The following RIN1 variants were observed in gnomAD, a reference collection of about 807,000 sequenced individuals.
RIN1 encodes the protein Ras and Rab interactor 1, also known as ras inhibitor 1.
Under a neutral mutation model 64.9 loss-of-function variants are expected in RIN1, and 52 were observed. The observed-to-expected ratio is 0.80, with a 90% CI of 0.64 to 1.01. The LOEUF is 1.01. Ranked by LOEUF, RIN1 falls within the 50% of genes least tolerant of loss-of-function variation. The probability of loss-of-function intolerance (pLI) is 0.00; values close to 1 mark genes in which losing one functional copy is unlikely to be tolerated. For synonymous variants in RIN1, 486 were observed against 483.6 expected (o/e 1.00, Z -0.06); for missense variants, 1,040 against 1,064.5 (o/e 0.98, Z 0.32).
intron 6 of RIN1, 39 bp from the exon 7 acceptor site, chr11:66,334,263 G>C (rs1307665767): frequency 1.4e-6 from 2 of 1,381,912 alleles, no homozygotes; most frequent in East Asian, 2.5e-5. Flanking sequence ...GAAGACTGGG[G>C]GTATGGGGGG....
chr11:66,334,089 G>T lies in RIN1; in HGVS notation c.1421C>A (p.Ala474Asp), dbSNP rs751400700. ...RLAEGLRLAR[A>D]QGPGAFGSHL... Reference sequence around the variant, plus strand: ...GGACCCGAAGGCTCCGGGGCCCTGGGCCCGGGCCAGGCGGAGGCCCTCAGC... The same window carrying T: ...GGACCCGAAGGCTCCGGGGCCCTGGTCCCGGGCCAGGCGGAGGCCCTCAGC... Residue 474 changes from alanine to aspartate, a missense_variant, in exon 7 of 10, where the codon GCC (alanine) becomes GAC (aspartate). Ala to Asp is a moderately radical substitution (Grantham distance 126). Coordinates refer to ENST00000311320, the MANE Select transcript of RIN1 (RefSeq NM_004292.3). The T allele has an allele frequency of 1.2e-5, 19 of 1,562,542 alleles. No homozygotes were observed. The South Asian group carries it at 2.1e-4, about 17-fold the overall frequency.
Position 66,330,583 on chromosome 11 carries a change from A to G in RIN1, c.*1693T>C, listed in dbSNP as rs1242544494. On this transcript the variant is annotated 3_prime_UTR_variant, in exon 10 of 10. Transcript: ENST00000311320. ...GGAGTTTGAGACCAGCCTGGCCAACATGGGGAAACCCCGTCTCTACTAGTA... is the reference window on the plus strand; with the variant it reads ...GGAGTTTGAGACCAGCCTGGCCAACGTGGGGAAACCCCGTCTCTACTAGTA... 6.6e-6 allele frequency: 1 copy of G among 152,360 alleles called. No individual in the cohort carries two copies. Among genetic ancestry groups the G allele is most frequent in the Non-Finnish European group, 1.5e-5 (1 of 68,138 alleles). The allele number at this position is 152,360 out of a possible 1,614,324, so 9.4% of individuals were successfully genotyped here.
At position 66,333,658 on chromosome 11, in the gene RIN1, C is replaced by G; in HGVS notation, c.1592G>C (p.Gly531Ala). ...LLYMALRTQE[G>A]EGAGADEFLP... is the part of the protein sequence containing the mutation. ...GAACTCGTCGGCACCCGCGCCCTCCCCTGTGGGGACATGGTGAGAGGAAGA... is the reference window on the plus strand; with the variant it reads ...GAACTCGTCGGCACCCGCGCCCTCCGCTGTGGGGACATGGTGAGAGGAAGA... The change falls in exon 8 of 10, where the codon GGG becomes GCG. Residue 531 changes from glycine to alanine, a missense_variant and splice_region_variant. Coordinates refer to ENST00000311320, the MANE Select transcript of RIN1 (RefSeq NM_004292.3). 6.2e-7 allele frequency: 1 copy of G among 1,609,720 alleles called. No homozygotes were observed. Among genetic ancestry groups the G allele is most frequent in the East Asian group, 2.2e-5 (1 of 44,826 alleles).
Position 66,332,132 on chromosome 11 carries a change from C to T in RIN1, c.*144G>A, listed in dbSNP as rs1590916251. The T allele has an allele frequency of 8.5e-6, 7 of 820,286 alleles. No individual in the cohort carries two copies. The East Asian group carries it at 9.8e-5, about 11-fold the overall frequency. 50.8% of individuals were successfully genotyped at this position (820,286 alleles called of 1,614,324 possible). On this transcript the variant is annotated 3_prime_UTR_variant, in exon 10 of 10. Transcript: ENST00000311320. ...TTCCAGTTCCTCAGATGTGGCAGTTCCCCCAGCTTCCCTGGAAACAAGTAT... is the reference window on the plus strand; with the variant it reads ...TTCCAGTTCCTCAGATGTGGCAGTTTCCCCAGCTTCCCTGGAAACAAGTAT...
Position 66,334,087 on chromosome 11 carries a change from G to C in RIN1, c.1423C>G (p.Gln475Glu). 6.4e-7 allele frequency: 1 copy of C among 1,563,862 alleles called. No individual in the cohort carries two copies. The highest frequency in any genetic ancestry group is 1.2e-5 in the South Asian group (1 of 85,260). ...TGGGACCCGAAGGCTCCGGGGCCCTGGGCCCGGGCCAGGCGGAGGCCCTCA... is the reference window on the plus strand; with the variant it reads ...TGGGACCCGAAGGCTCCGGGGCCCTCGGCCCGGGCCAGGCGGAGGCCCTCA... ...LAEGLRLARA[Q>E]GPGAFGSHLS... is the part of the protein sequence containing the mutation. Residue 475 changes from glutamine to glutamate, a missense_variant, in exon 7 of 10, where the codon CAG becomes GAG. Gln to Glu is a conservative substitution (Grantham distance 29, BLOSUM62 2). Coordinates refer to ENST00000311320, the MANE Select transcript of RIN1 (RefSeq NM_004292.3).
intron 7 of RIN1, 119 bp from the exon 8 acceptor site, chr11:66,333,777 C>T (rs1854797418): frequency 1.4e-6 from 2 of 1,443,014 alleles, no homozygotes. Flanking sequence ...CCTCTCTAGG[C>T]CTCAGTTTCG....
chr11:66,336,682 C>G (rs934334093), upstream of RIN1: 1 of 440,598 alleles, frequency 2.3e-6, no homozygotes, highest in African/African-American at 2.0e-5. Flanking sequence ...ACATTGCACA[C>G]GTGGGCGGGA....
chr11:66,332,375 C>T lies in RIN1; in HGVS notation c.2253G>A (p.Gln751=), dbSNP rs763287557. 21 of 1,614,104 alleles carry T rather than the reference C, an allele frequency of 1.3e-5. No homozygotes were observed. In the East Asian group the frequency reaches 4.5e-4, roughly 34 times the overall value. ...GGCCCCCTTCAGCAGTTGTCTCAGACTGTTCCCGAATGTCCCTGGGGCTGG... is the reference window on the plus strand; with the variant it reads ...GGCCCCCTTCAGCAGTTGTCTCAGATTGTTCCCGAATGTCCCTGGGGCTGG... ...VKASPRDIRE[Q]SETTAEGGQG... Residue 751 remains glutamine, a synonymous_variant, in exon 10 of 10, where the codon CAG becomes CAA. Transcript: ENST00000311320.
rs371811605 is a variant in RIN1, at chr11:66,333,667, A to T, written c.1592-9T>A. 1.2e-6 allele frequency: 2 copies of T among 1,606,468 alleles called. No individual in the cohort carries two copies. The highest frequency in any genetic ancestry group is 1.7e-5 in the Admixed American group (1 of 58,540). ...GGCACCCGCGCCCTCCCCTGTGGGG[A>T]CATGGTGAGAGGAAGAAGCTTCAGG... On this transcript the variant is annotated splice_polypyrimidine_tract_variant and intron_variant, in intron 7 of 9. Transcript: ENST00000311320.
rs374478616 is a variant in RIN1 at position 66,333,433 on chromosome 11, C to G, written c.1724-24G>C. ...ACCTGGGACACAGGGTGGAAGAACA[C>G]GGCTCAGGCTGGGTGTGGGGCACCC... On this transcript the variant is annotated intron_variant, in intron 8 of 9. Transcript: ENST00000311320. 15 of 1,603,792 alleles carry G rather than the reference C, an allele frequency of 9.4e-6. No individual in the cohort carries two copies. In the Admixed American group the frequency reaches 2.5e-4, roughly 27 times the overall value.
In RIN1 at chr11:66,334,087, G is replaced by A; in HGVS notation, c.1423C>T (p.Gln475Ter). 6.4e-7 allele frequency: 1 copy of A among 1,563,862 alleles called. No homozygotes were observed. Among genetic ancestry groups the A allele is most frequent in the Non-Finnish European group, 8.7e-7 (1 of 1,154,590 alleles). The change falls in exon 7 of 10, where the codon CAG becomes TAG. Residue 475 changes from glutamine to a stop codon, truncating the protein, a stop_gained. Transcript: ENST00000311320. LOFTEE classifies it high-confidence loss of function. Reference sequence around the variant, plus strand: ...TGGGACCCGAAGGCTCCGGGGCCCTGGGCCCGGGCCAGGCGGAGGCCCTCA... The same window carrying A: ...TGGGACCCGAAGGCTCCGGGGCCCTAGGCCCGGGCCAGGCGGAGGCCCTCA... ...LAEGLRLARA[Q>*]GPGAFGSHLS...
chr11:66,332,382 C>T lies in RIN1; in HGVS notation c.2246G>A (p.Arg749Gln), dbSNP rs368405424. Residue 749 changes from arginine (R) to glutamine (Q), a missense_variant, in exon 10 of 10, where the codon CGG becomes CAG. By Grantham distance (43) the Arg-to-Gln change is conservative. Transcript: ENST00000311320. ...TTCAGCAGTTGTCTCAGACTGTTCCCGAATGTCCCTGGGGCTGGCTTTGAC... is the reference window on the plus strand; with the variant it reads ...TTCAGCAGTTGTCTCAGACTGTTCCTGAATGTCCCTGGGGCTGGCTTTGAC... ...AGVKASPRDIREQSETTAEGG... is the reference protein window; with the variant it reads ...AGVKASPRDIQEQSETTAEGG... 31 of 1,614,062 alleles carry T rather than the reference C, an allele frequency of 1.9e-5. No individual in the cohort carries two copies. Among genetic ancestry groups the T allele is most frequent in the African/African-American group, 4.0e-5 (3 of 74,940 alleles).
At chr11:66,333,454 C>T (rs776977966) in intron 8 of RIN1, 45 bp from the exon 9 acceptor site, 6 of 1,603,670 alleles carry the variant, frequency 3.7e-6, no homozygotes, top group Non-Finnish European at 5.1e-6. Flanking sequence ...GGGTGTGGGG[C>T]ACCCCATCCC....
In RIN1 at chr11:66,335,699, G is replaced by A. The variant is rs946221491; in HGVS notation, c.383-17C>T. 4.3e-6 allele frequency: 7 copies of A among 1,612,764 alleles called. No homozygotes were observed. The highest frequency in any genetic ancestry group is 1.7e-5 in the Admixed American group (1 of 59,812). ...AGGAGACGCCTGAGAGAGGAGGGAA[G>A]TGAGGTGCTTCTCTGGGGAACCTCC... On this transcript the variant is annotated splice_polypyrimidine_tract_variant and intron_variant, in intron 3 of 9. Coordinates refer to ENST00000311320, the MANE Select transcript of RIN1 (RefSeq NM_004292.3).
chr11:66,333,898 G>A, intron 7 of RIN1, 21 bp downstream of exon 7: 1 of 1,501,044 alleles, frequency 6.7e-7, no homozygotes, highest in South Asian at 1.3e-5. Flanking sequence ...AGGGCAGGGT[G>A]AGGTGGTGGC....
chr11:66,335,342 C>A, intron 5 of RIN1, 65 bp downstream of exon 5: 1 of 1,556,164 alleles, frequency 6.4e-7, no homozygotes, highest in Admixed American at 2.0e-5. Context: ...CGGTGTGCTG[C>A]GAGCCTTGCC....
chr11:66,332,179 A>C lies in RIN1; in HGVS notation c.*97T>G. The C allele has an allele frequency of 9.0e-7, 1 of 1,105,694 alleles. No individual in the cohort carries two copies. Among genetic ancestry groups the C allele is most frequent in the Non-Finnish European group, 1.4e-6 (1 of 738,498 alleles). 68.5% of individuals were successfully genotyped at this position (1,105,694 alleles called of 1,614,324 possible). On this transcript the variant is annotated 3_prime_UTR_variant, in exon 10 of 10. Transcript: ENST00000311320. The stretch of plus-strand genomic sequence containing the variant: ...GTATCAGACAAAGGTGGTGGCAGAC[A>C]CAGGACAGGGCCCTGGGTGGGGCTT...
chr11:66,333,401 A>G lies in RIN1; in HGVS notation c.1732T>C (p.Tyr578His). 6.2e-7 allele frequency: 1 copy of G among 1,608,520 alleles called. No homozygotes were observed. Among genetic ancestry groups the G allele is most frequent in the Non-Finnish European group, 8.5e-7 (1 of 1,176,714 alleles). ...AGGCTGGCAGAGAGGCTGGTCAGGT[A>G]GTAGCCACCTGGGACACAGGGTGGA... The part of the protein sequence containing the change: ...PSLLTGEGGY[Y>H]LTSLSASLAL... Residue 578 changes from tyrosine (Y) to histidine (H), a missense_variant, in exon 9 of 10, where the codon TAC becomes CAC. Physicochemically the swap from Tyr to His is moderately conservative, Grantham distance 83 (BLOSUM62 2). Coordinates refer to ENST00000311320, the MANE Select transcript of RIN1 (RefSeq NM_004292.3).
chr11:66,333,540 C>T lies in RIN1; in HGVS notation c.1710G>A (p.Leu570=), dbSNP rs377014719. Residue 570 remains leucine, a synonymous_variant, in exon 8 of 10, where the codon CTG becomes CTA. Coordinates refer to ENST00000311320, the MANE Select transcript of RIN1 (RefSeq NM_004292.3). ...EYMSELLEPS[L]LTGEGGYYLT... is the part of the protein sequence containing the mutation. Reference sequence around the variant, plus strand: ...GGGGTCCCTCACCCTCTCCAGTAAGCAGGCTGGGCTCCAGCAGCTCCGACA... The same window carrying T: ...GGGGTCCCTCACCCTCTCCAGTAAGTAGGCTGGGCTCCAGCAGCTCCGACA... 39 of 1,613,142 alleles carry T rather than the reference C, an allele frequency of 2.4e-5. No homozygotes were observed. Among genetic ancestry groups the T allele is most frequent in the Non-Finnish European group, 2.9e-5 (34 of 1,179,950 alleles).
Sources: gnomAD v4.1 joint callset for allele counts on GRCh38, gnomAD v4.1.1 for gene constraint, MANE v1.5 for transcripts, NCBI Gene and HGNC (gene_info 2026-07-23, HGNC 2026-07-21) for gene names.